DLGAP4: variants seen among roughly 807,000 people sequenced by gnomAD.
DLGAP4 encodes the protein disks large-associated protein 4.
DLGAP4 carries 18 observed loss-of-function variants against 86.9 expected under a neutral mutation model. The ratio of observed to expected loss-of-function variants is 0.21; its 90% CI spans 0.14 to 0.31. DLGAP4 has a LOEUF of 0.31. Ranked by LOEUF, DLGAP4 falls within the 10% of genes least tolerant of loss-of-function variation. The pLI is 1.00. For synonymous variants in DLGAP4, 548 were observed against 574.3 expected (o/e 0.95, Z 0.65); for missense variants, 1,085 against 1,362.6 (o/e 0.80, Z 3.21).
At chr20:36,386,798 C>G (rs1427948967) in intron 2 of DLGAP4, among the ~76,000 whole-genome samples, 1 of 152,184 alleles carries the variant, frequency 6.6e-6, no homozygotes, top group South Asian at 2.1e-4. Context: ...GTTGCCAGGG[C>G]TGGTCTCAAA....
At chr20:36,387,781 ATC>A (rs1486224596) in intron 2 of DLGAP4, among the ~76,000 whole-genome samples, 1 of 152,132 alleles carries the variant, frequency 6.6e-6, no homozygotes, top group African/African-American at 2.4e-5. Flanking sequence ...TTGAAATACC[ATC>A]TCTGTTTTAT....
chr20:36,343,614 C>G (rs1332254077), intron 1 of DLGAP4, among the ~76,000 whole-genome samples: 2 of 151,546 alleles, frequency 1.3e-5, no homozygotes, highest in Admixed American at 6.6e-5. Flanking sequence ...TTGAGGCTAC[C>G]AGGTACCCCC....
chr20:36,517,094 A>G (rs2037085718), intron 10 of DLGAP4, among the ~76,000 whole-genome samples: 1 of 150,932 alleles, frequency 6.6e-6, no homozygotes, highest in African/African-American at 2.4e-5. Flanking sequence ...AAAAGAAAGA[A>G]AAGGCTGGAC....
At chr20:36,444,778 C>T (rs1367291604) in intron 6 of DLGAP4, among the ~76,000 whole-genome samples, 1 of 151,988 alleles carries the variant, frequency 6.6e-6, no homozygotes, top group Non-Finnish European at 1.5e-5. Flanking sequence ...GTAGCTGGCA[C>T]CACAGGCATG....
At chr20:36,412,979 C>CTTTTT (rs71184093) in intron 2 of DLGAP4, among the ~76,000 whole-genome samples, 2 of 110,854 alleles carry the variant, frequency 1.8e-5, no homozygotes, top group Non-Finnish European at 1.8e-5. Context: ...GAACTCTTTT[C>CTTTTT]TTTTTTTTTT....
At chr20:36,461,062 A>G (rs886664367) in intron 7 of DLGAP4, among the ~76,000 whole-genome samples, 1 of 152,158 alleles carries the variant, frequency 6.6e-6, no homozygotes, top group Non-Finnish European at 1.5e-5. Flanking sequence ...GCTTCCTCGG[A>G]GCCTCGGTTC....
At chr20:36,471,210 C>A (rs749159772) in intron 7 of DLGAP4, among the ~76,000 whole-genome samples, 1 of 152,142 alleles carries the variant, frequency 6.6e-6, no homozygotes, top group Non-Finnish European at 1.5e-5. Flanking sequence ...CTGACCTTGC[C>A]GGGCGCGATG....
intron 2 of DLGAP4, among the ~76,000 whole-genome samples, chr20:36,426,113 A>AT (rs1402928438): frequency 3.9e-5 from 6 of 152,366 alleles, no homozygotes; most frequent in African/African-American, 1.4e-4. Flanking sequence ...GAAAACAAAC[A>AT]TTATGCTACG....
At chr20:36,322,379 G>A (rs1222861696) in intron 1 of DLGAP4, among the ~76,000 whole-genome samples, 7 of 152,146 alleles carry the variant, frequency 4.6e-5, no homozygotes, top group African/African-American at 1.4e-4. Context: ...AGGGTTTGGG[G>A]ATTTACATAA....
chr20:36,381,737 T>C (rs981149063), intron 2 of DLGAP4, among the ~76,000 whole-genome samples: 11 of 152,198 alleles, frequency 7.2e-5, no homozygotes, highest in African/African-American at 2.2e-4. Flanking sequence ...ATATGACAGG[T>C]ATGATGGGTC....
chr20:36,478,158 G>A (rs2035027718), intron 7 of DLGAP4, among the ~76,000 whole-genome samples: 1 of 152,166 alleles, frequency 6.6e-6, no homozygotes, highest in Admixed American at 6.5e-5. Flanking sequence ...CTTGTCCAGG[G>A]ACAGCAAATA....
intron 7 of DLGAP4, among the ~76,000 whole-genome samples, chr20:36,470,700 A>T (rs932865394): frequency 5.3e-5 from 8 of 152,002 alleles, no homozygotes; most frequent in Admixed American, 4.6e-4. Flanking sequence ...TGTCAGTAAC[A>T]TCCCTTTTTA....
Position 36,527,015 on chromosome 20 carries a change from C to A in DLGAP4, c.2963C>A (p.Ala988Asp). 1 of 1,604,964 alleles carries A rather than the reference C, an allele frequency of 6.2e-7. No homozygotes were observed. ...ADSIEIYVPE[A>D]QTRL is the part of the protein sequence containing the mutation. ...AGCATCGAGATTTATGTCCCGGAGG[C>A]CCAGACCAGGCTCTGAGACCATGCA... Residue 988 changes from alanine to aspartate, a missense_variant, in exon 13 of 13, where the codon GCC (alanine) becomes GAC (aspartate). By Grantham distance (126) the Ala-to-Asp change is moderately radical (BLOSUM62 -2). This residue lies in a region of DLGAP4 where 3 missense variants were observed against 18.5 expected (regional missense o/e 0.16). Coordinates refer to ENST00000339266, the MANE Select transcript of DLGAP4 (RefSeq NM_001365621.2).
At position 36,362,697 on chromosome 20, in the gene DLGAP4, C is replaced by A. The variant is rs4318443; in HGVS notation, c.-303-4348C>A. On this transcript the variant is annotated intron_variant, in intron 1 of 12. Coordinates refer to ENST00000339266, the MANE Select transcript of DLGAP4 (RefSeq NM_001365621.2). ...GAAACAGACAGAACTCTCTACCCTT[C>A]GGGGCTGACACTTTAGTGAGAGGAG... 2.4e-3 allele frequency among the ~76,000 whole-genome samples: 366 copies of A among 152,318 alleles called. 2 individuals are homozygous for A. The highest frequency in any genetic ancestry group is 8.6e-3 in the African/African-American group (356 of 41,576).
At position 36,308,244 on chromosome 20, in the gene DLGAP4, C is replaced by T. The variant is rs1208822274; in HGVS notation, c.-304+1732C>T. 1.3e-5 allele frequency among the ~76,000 whole-genome samples: 2 copies of T among 152,134 alleles called. No homozygotes were observed. Among genetic ancestry groups the T allele is most frequent in the African/African-American group, 2.4e-5 (1 of 41,416 alleles). On this transcript the variant is annotated intron_variant, in intron 1 of 12. Coordinates refer to ENST00000339266, the MANE Select transcript of DLGAP4 (RefSeq NM_001365621.2). This position sits in a 1 kb window ranked among gnomAD's most constrained non-coding sequence, Gnocchi z 4.5. ...GTGTGCCCGTGTGTGGTGTCCATGG[C>T]GACCCCGTACTCACCTGCCAGAGGC...
In DLGAP4 at chr20:36,507,424, C is replaced by T. The variant is rs573388718; in HGVS notation, c.2512+6813C>T. Among the ~76,000 whole-genome samples the T allele has an allele frequency of 8.8e-3, 1,337 of 152,236 alleles. 9 individuals carry two copies. Among genetic ancestry groups the T allele is most frequent in the Non-Finnish European group, 0.014 (926 of 68,002 alleles). On this transcript the variant is annotated intron_variant, in intron 10 of 12. Coordinates refer to ENST00000339266, the MANE Select transcript of DLGAP4 (RefSeq NM_001365621.2). ...TGTATTTTTAGTAGAGACAGGGTTT[C>T]ACCATGTTGGCCAGGCTGGTCTTGA...
chr20:36,461,967 C>T, intron 7 of DLGAP4: 4 of 985,022 alleles, frequency 4.1e-6, no homozygotes, highest in Non-Finnish European at 4.8e-6. Context: ...CCCCACTCTT[C>T]GGGACTCCCC....
At chr20:36,490,012 C>G (rs2035592340) in intron 7 of DLGAP4, among the ~76,000 whole-genome samples, 1 of 151,946 alleles carries the variant, frequency 6.6e-6, no homozygotes, top group Non-Finnish European at 1.5e-5. Context: ...GTCTACACCA[C>G]CACACCCGGC....
chr20:36,329,666 G>A (rs2065248392), intron 1 of DLGAP4, among the ~76,000 whole-genome samples: 2 of 152,060 alleles, frequency 1.3e-5, no homozygotes, highest in Admixed American at 6.6e-5. Flanking sequence ...GGAGGCCGAG[G>A]TGTGGGGATC....
Sources: gnomAD v4.1 joint callset for allele counts (sites outside exome capture counted in the v4.1 genomes callset) on GRCh38, gnomAD v4.1.1 for gene constraint, gnomAD v4.1.1 regional missense constraint, Gnocchi (gnomAD v3.1) non-coding constraint, MANE v1.5 for transcripts, NCBI Gene and HGNC (gene_info 2026-07-23, HGNC 2026-07-21) for gene names.